Variants in CANX observed in about 807,000 individuals in gnomAD.
The protein encoded by CANX is calnexin, also known as epididymis secretory sperm binding protein.
A neutral mutation model predicts 75.7 loss-of-function variants in CANX; 14 were observed. The observed-to-expected ratio is 0.19, with a 90% CI of 0.12 to 0.29. CANX has a LOEUF of 0.29. Ranked by LOEUF, CANX falls within the 10% of genes least tolerant of loss-of-function variation. The pLI, the probability that CANX is intolerant of heterozygous loss-of-function variation, is 1.00. For synonymous variants in CANX, 227 were observed against 236.9 expected, an observed-to-expected ratio of 0.96 and a Z score of 0.38; for missense variants, 567 against 713.2, an observed-to-expected ratio of 0.79 and a Z score of 2.34.
chr5:179,714,320 T>C (rs1777776962), intron 7 of CANX, among the ~76,000 whole-genome samples: 1 of 151,880 alleles, frequency 6.6e-6, no homozygotes, highest in South Asian at 2.1e-4. Context: ...GATTTGGTCA[T>C]TACACATTAT....
At chr5:179,678,963 C>T in intron 1 of CANX, 1 of 1,535,824 alleles carries the variant, frequency 6.5e-7, no homozygotes, top group South Asian at 1.2e-5. Flanking sequence ...TAGGCGAGGC[C>T]CAGCTCGGCC....
At chr5:179,684,922 TTG>T (rs1562433111) in intron 1 of CANX, among the ~76,000 whole-genome samples, 4 of 120,182 alleles carry the variant, frequency 3.3e-5, no homozygotes, top group Non-Finnish European at 6.9e-5. Flanking sequence ...CTGGCTAATT[TTG>T]TATTTTTTTT....
intron 1 of CANX, among the ~76,000 whole-genome samples, chr5:179,680,468 C>A (rs1293651327): frequency 6.6e-6 from 1 of 152,092 alleles, no homozygotes; most frequent in Non-Finnish European, 1.5e-5. Context: ...TGCTCCTAAT[C>A]CAGCTTGGAA....
chr5:179,685,489 C>T (rs1250654510), intron 1 of CANX, among the ~76,000 whole-genome samples: 1 of 150,464 alleles, frequency 6.6e-6, no homozygotes, highest in Middle Eastern at 3.3e-3. Context: ...CTCAGGTGAT[C>T]TGCCCACCTC....
upstream of CANX, among the ~76,000 whole-genome samples, chr5:179,693,844 AAAAGTTTAATTTCACTGTAAT>A (rs1776343234): frequency 6.6e-6 from 1 of 152,150 alleles, no homozygotes; most frequent in Non-Finnish European, 1.5e-5. Context: ...TAAAAAAAAA[AAAAGTTTAATTTCACTGTAAT>A]AAAATAAACT....
intron 12 of CANX, among the ~76,000 whole-genome samples, chr5:179,724,300 T>G (rs938107930): frequency 6.6e-6 from 1 of 152,136 alleles, no homozygotes; most frequent in Non-Finnish European, 1.5e-5. Context: ...TTCTGCTAAA[T>G]GAGGATTATG....
intron 1 of CANX, among the ~76,000 whole-genome samples, chr5:179,685,792 T>A (rs180691088): frequency 7.9e-5 from 12 of 152,032 alleles, no homozygotes; most frequent in Non-Finnish European, 1.3e-4. Context: ...AGACTTCAGG[T>A]GATCCACCTG....
intron 8 of CANX, among the ~76,000 whole-genome samples, chr5:179,716,572 C>T (rs1240789704): frequency 2.0e-5 from 3 of 152,226 alleles, no homozygotes; most frequent in Non-Finnish European, 2.9e-5. Flanking sequence ...GTCCTTTAAC[C>T]TGGCTACTCC....
intron 7 of CANX, among the ~76,000 whole-genome samples, chr5:179,711,179 TTCGGGAGGCTGAA>T (rs1343895644): frequency 6.6e-6 from 1 of 152,142 alleles, no homozygotes; most frequent in Non-Finnish European, 1.5e-5. Flanking sequence ...ATCCTAACAC[TTCGGGAGGCTGAA>T]TCGGATGGAT....
chr5:179,707,479 G>T (rs1581853815), intron 4 of CANX, among the ~76,000 whole-genome samples: 1 of 151,632 alleles, frequency 6.6e-6, no homozygotes, highest in Admixed American at 6.6e-5. Flanking sequence ...AGCTGCTGGG[G>T]AGGCTGAGGC....
At chr5:179,692,399 G>C (rs935217454) in intron 1 of CANX, among the ~76,000 whole-genome samples, 9 of 151,964 alleles carry the variant, frequency 5.9e-5, no homozygotes, top group African/African-American at 1.9e-4. Context: ...TAACCAAAAA[G>C]AGCCCCCGGT....
chr5:179,723,817 A>G (rs747589928), intron 12 of CANX, 38 bp downstream of exon 12: 3 of 1,550,276 alleles, frequency 1.9e-6, no homozygotes, highest in Admixed American at 1.9e-5. Context: ...TTTTAGAGAC[A>G]TCACTCTAGT....
intron 1 of CANX, among the ~76,000 whole-genome samples, chr5:179,689,394 T>TTTTTTTTTTTG (rs1776258732): frequency 6.9e-6 from 1 of 145,214 alleles, no homozygotes; most frequent in South Asian, 2.4e-4. Context: ...TTTTTTTTTT[T>TTTTTTTTTTTG]TTTTTTTTTT....
intron 7 of CANX, among the ~76,000 whole-genome samples, chr5:179,712,291 A>G (rs536988679): frequency 1.3e-5 from 2 of 152,262 alleles, no homozygotes; most frequent in East Asian, 1.9e-4. Flanking sequence ...GGATGCTCCA[A>G]TACCTGGACA....
chr5:179,701,744 T>TTTTTTC, intron 1 of CANX, among the ~76,000 whole-genome samples: 1 of 109,734 alleles, frequency 9.1e-6, no homozygotes, highest in Admixed American at 9.9e-5. Flanking sequence ...TACTTTTTTT[T>TTTTTTC]TTTTTTTTTT....
chr5:179,681,439 G>C (rs915390505), intron 1 of CANX, among the ~76,000 whole-genome samples: 1 of 152,180 alleles, frequency 6.6e-6, no homozygotes, highest in Admixed American at 6.6e-5. Context: ...TCAGGAGAAG[G>C]GGGTGAGGGA....
At chr5:179,706,747 G>T (rs190999808) in intron 3 of CANX, among the ~76,000 whole-genome samples, 1 of 152,110 alleles carries the variant, frequency 6.6e-6, no homozygotes, top group Non-Finnish European at 1.5e-5. Context: ...ATGAGCCACC[G>T]CACCTGGCCT....
At chr5:179,694,144 CAAA>C (rs55708497), upstream of CANX, 484 of 103,880 alleles carry the variant, frequency 4.7e-3, 1 homozygote, top group African/African-American at 0.02. Flanking sequence ...AACTCCGTCT[CAAA>C]AAAAAAAAAA....
intron 1 of CANX, among the ~76,000 whole-genome samples, chr5:179,683,563 T>C (rs1312960256): frequency 2.0e-5 from 3 of 152,092 alleles, no homozygotes; most frequent in Non-Finnish European, 4.4e-5. Context: ...GAGAGGAGTC[T>C]CACTTTGTTG....
Sources: allele counts gnomAD v4.1 joint callset (sites outside exome capture counted in the v4.1 genomes callset), GRCh38; gene constraint gnomAD v4.1.1; transcripts MANE v1.5; gene names NCBI Gene and HGNC (gene_info 2026-07-23, HGNC 2026-07-21).